The following DTL variants were observed in gnomAD, a reference collection of about 807,000 sequenced individuals.
DTL encodes the protein denticleless protein homolog.
DTL carries 46 observed loss-of-function variants against 87.0 expected under a neutral mutation model. The ratio of observed to expected loss-of-function variants is 0.53; its 90% CI spans 0.42 to 0.68. The LOEUF (loss-of-function observed/expected upper bound fraction) is 0.68. Ranked by LOEUF, DTL falls within the 30% of genes least tolerant of loss-of-function variation. The probability of loss-of-function intolerance (pLI) is 0.00; values close to 1 mark genes in which losing one functional copy is unlikely to be tolerated. For synonymous variants in DTL, 308 were observed against 311.2 expected (o/e 0.99, Z 0.11); for missense variants, 737 against 869.4 (o/e 0.85, Z 1.91).
At chr1:212,067,006 C>T in intron 8 of DTL, 121 bp downstream of exon 8, 1 of 773,002 alleles carries the variant, frequency 1.3e-6, no homozygotes, top group Non-Finnish European at 2.1e-6. Flanking sequence ...AGCAAGTACC[C>T]CAACTGAGGA....
chr1:212,072,619 G>A lies in DTL; in HGVS notation c.1035+406G>A, dbSNP rs144933239. Reference sequence around the variant, plus strand: ...GTGCTTGAATCACCCATGGAGCCTTGCACAAAACAGAAACTCAAAAATATT... The same window carrying A: ...GTGCTTGAATCACCCATGGAGCCTTACACAAAACAGAAACTCAAAAATATT... On this transcript the variant is annotated intron_variant, in intron 11 of 14. Transcript: ENST00000366991. Among the ~76,000 whole-genome samples the A allele has an allele frequency of 7.9e-5, 12 of 152,092 alleles. No homozygotes were observed. In the East Asian group the frequency reaches 2.3e-3, roughly 29 times the overall value.
intron 11 of DTL, among the ~76,000 whole-genome samples, chr1:212,073,906 T>C (rs1654754666): frequency 6.6e-6 from 1 of 152,068 alleles, no homozygotes; most frequent in Non-Finnish European, 1.5e-5. Context: ...TCAAATTTGG[T>C]CTTAATGCTT....
In DTL at chr1:212,100,583, T is replaced by C. The variant is rs370390756; in HGVS notation, c.1593T>C (p.Leu531=). The C allele has an allele frequency of 2.7e-5, 43 of 1,613,898 alleles. No individual in the cohort carries two copies. The East Asian group carries it at 2.9e-4, about 11-fold the overall frequency. The change falls in exon 14 of 15, where the codon CTT becomes CTC. Residue 531 remains leucine (L), a synonymous_variant. Transcript: ENST00000366991. ...AGATCATGTCTCCGAGAAAAGCCCTTATTCCTGTGAGCCAGAAGTCATCCC... is the reference window on the plus strand; with the variant it reads ...AGATCATGTCTCCGAGAAAAGCCCTCATTCCTGTGAGCCAGAAGTCATCCC... ...ETKIMSPRKA[L]IPVSQKSSQA...
intron 5 of DTL, among the ~76,000 whole-genome samples, chr1:212,047,867 C>A (rs1052709656): frequency 2.6e-5 from 4 of 152,164 alleles, no homozygotes; most frequent in Admixed American, 2.6e-4. Flanking sequence ...GACTGAAAAC[C>A]TTAATAAAAT....
At chr1:212,075,368 T>C (rs970939856) in intron 11 of DTL, among the ~76,000 whole-genome samples, 3 of 152,166 alleles carry the variant, frequency 2.0e-5, no homozygotes, top group African/African-American at 7.2e-5. Flanking sequence ...AGGACAGTCT[T>C]CTGTGTCTGA....
intron 6 of DTL, 66 bp downstream of exon 6, chr1:212,063,015 A>G: frequency 8.0e-7 from 1 of 1,257,806 alleles, no homozygotes; most frequent in Non-Finnish European, 1.2e-6. Context: ...TGAGTGAAAG[A>G]GTTAGTGATT....
At chr1:212,045,892 G>GA (rs1667794835) in intron 3 of DTL, among the ~76,000 whole-genome samples, 1 of 151,996 alleles carries the variant, frequency 6.6e-6, no homozygotes, top group Admixed American at 6.6e-5. Flanking sequence ...ATTCCATTCA[G>GA]AGAGCATCAT....
chr1:212,060,734 CAAA>C (rs36050858), intron 5 of DTL, among the ~76,000 whole-genome samples: 1 of 90,582 alleles, frequency 1.1e-5, no homozygotes. Context: ...GACTCAGTCT[CAAA>C]AAAAAAAAAA....
chr1:212,099,304 G>C (rs1655542310), intron 13 of DTL, among the ~76,000 whole-genome samples: 1 of 152,084 alleles, frequency 6.6e-6, no homozygotes, highest in Non-Finnish European at 1.5e-5. Context: ...TGCGATCTTG[G>C]CTCACTGCAA....
chr1:212,101,524 T>C (rs1655626211), intron 14 of DTL, among the ~76,000 whole-genome samples: 1 of 152,220 alleles, frequency 6.6e-6, no homozygotes, highest in Admixed American at 6.5e-5. Context: ...GTTGCCAACA[T>C]CCATAAGTAG....
chr1:212,076,360 G>A (rs572694424), intron 11 of DTL, among the ~76,000 whole-genome samples: 6 of 152,194 alleles, frequency 3.9e-5, no homozygotes, highest in South Asian at 2.1e-4. Context: ...CCTTGTTAAC[G>A]TATTCCAAAA....
intron 1 of DTL, among the ~76,000 whole-genome samples, chr1:212,041,326 A>G (rs1667633981): frequency 1.3e-5 from 2 of 152,002 alleles, no homozygotes; most frequent in African/African-American, 4.8e-5. Context: ...TTTGGAGTGT[A>G]TCATCTTCAT....
At chr1:212,096,530 G>A (rs566899713) in intron 13 of DTL, among the ~76,000 whole-genome samples, 36 of 152,212 alleles carry the variant, frequency 2.4e-4, no homozygotes, top group Admixed American at 2.2e-3. Flanking sequence ...TTTCCTCTTA[G>A]CACTGCTTTT....
Position 212,072,248 on chromosome 1 carries a change from T to C in DTL, c.1035+35T>C, listed in dbSNP as rs755604151. 1.4e-6 allele frequency: 2 copies of C among 1,467,542 alleles called. 1 individual carries two copies. Among genetic ancestry groups the C allele is most frequent in the Non-Finnish European group, 1.9e-6 (2 of 1,046,986 alleles). 90.9% of individuals were successfully genotyped at this position (1,467,542 alleles called of 1,614,324 possible). ...TAAACTTCACCCACAAGTGTTAGAC[T>C]GAAGTATTCTTGCAAATATTTGTTC... is the stretch of plus-strand genomic sequence containing the variant. On this transcript the variant is annotated intron_variant, in intron 11 of 14. Transcript: ENST00000366991.
rs1348416258 is a variant in DTL at position 212,103,887 on chromosome 1, A to G, written c.*947A>G. The G allele has an allele frequency of 6.6e-6, 1 of 152,240 alleles. No individual in the cohort carries two copies. The highest frequency in any genetic ancestry group is 2.4e-5 in the African/African-American group (1 of 41,458). 9.4% of individuals were successfully genotyped at this position (152,240 alleles called of 1,614,324 possible). A position where few individuals can be genotyped will look rare whatever the true frequency, so the allele number is the denominator to read the frequency against. ...CTTATTGATATTTTTGTAACAGAAT[A>G]TAGCTCTTAACTGAAAATCCAGAAC... On this transcript the variant is annotated 3_prime_UTR_variant, in exon 15 of 15. Coordinates refer to ENST00000366991, the MANE Select transcript of DTL (RefSeq NM_016448.4).
At chr1:212,092,549 A>G (rs1301923178) in intron 13 of DTL, among the ~76,000 whole-genome samples, 1 of 151,748 alleles carries the variant, frequency 6.6e-6, no homozygotes, top group Admixed American at 6.6e-5. Context: ...AAAAAAAAAG[A>G]TAATGGTCTC....
At chr1:212,072,609 A>G (rs1654708243) in intron 11 of DTL, among the ~76,000 whole-genome samples, 1 of 152,152 alleles carries the variant, frequency 6.6e-6, no homozygotes, top group South Asian at 2.1e-4. Context: ...TGAATCACCC[A>G]TGGAGCCTTG....
At chr1:212,040,805 A>G (rs1667616888) in intron 1 of DTL, among the ~76,000 whole-genome samples, 1 of 152,218 alleles carries the variant, frequency 6.6e-6, no homozygotes, top group African/African-American at 2.4e-5. Flanking sequence ...GATGATTCAT[A>G]TCCTGGACAG....
intron 5 of DTL, among the ~76,000 whole-genome samples, chr1:212,047,996 C>T (rs1488611624): frequency 6.6e-6 from 1 of 152,186 alleles, no homozygotes; most frequent in East Asian, 1.9e-4. Context: ...TAAACAGCTA[C>T]AATACCATTG....
Sources: allele counts gnomAD v4.1 joint callset (sites outside exome capture counted in the v4.1 genomes callset), GRCh38; gene constraint gnomAD v4.1.1; transcripts MANE v1.5; gene names NCBI Gene and HGNC (gene_info 2026-07-23, HGNC 2026-07-21).